Variants in ANLN observed in about 807,000 individuals in gnomAD.
ANLN encodes anillin.
In ANLN, 59 loss-of-function variants were observed where a neutral mutation model predicts 135.1. The ratio of observed to expected loss-of-function variants is 0.44; its 90% CI spans 0.35 to 0.54. ANLN has a LOEUF of 0.54. Among genes scored for constraint, ANLN ranks in the 20% least tolerant of loss-of-function variants. The pLI is 0.00. For missense variants in ANLN, 1,182 were observed against 1,340.0 expected, an observed-to-expected ratio of 0.88 and a Z score of 1.84; for synonymous variants, 406 against 456.4, an observed-to-expected ratio of 0.89 and a Z score of 1.41.
intron 20 of ANLN, among the ~76,000 whole-genome samples, chr7:36,429,606 TTTTTA>T (rs1458304592): frequency 2.6e-5 from 4 of 152,190 alleles, no homozygotes; most frequent in African/African-American, 7.2e-5. Context: ...TGGATGGTAT[TTTTTA>T]TTTTATTTTA....
At chr7:36,449,209 A>T (rs1332280265) in intron 22 of ANLN, 1 of 152,388 alleles carries the variant, frequency 6.6e-6, no homozygotes, top group Non-Finnish European at 1.5e-5. Context: ...GGCTGCCAAC[A>T]ATCCAGGGCA....
intron 20 of ANLN, among the ~76,000 whole-genome samples, chr7:36,435,038 A>G (rs1788470614): frequency 6.6e-6 from 1 of 152,172 alleles, no homozygotes; most frequent in Non-Finnish European, 1.5e-5. Flanking sequence ...ATTGTGGTCA[A>G]GGTTTCATGG....
At chr7:36,402,786 T>C (rs900244095) in intron 3 of ANLN, among the ~76,000 whole-genome samples, 1 of 152,184 alleles carries the variant, frequency 6.6e-6, no homozygotes, top group Non-Finnish European at 1.5e-5. Flanking sequence ...AAGCCAGTTG[T>C]CCTTCAGAGT....
intron 21 of ANLN, among the ~76,000 whole-genome samples, chr7:36,443,042 T>C (rs1365589844): frequency 6.6e-6 from 1 of 152,186 alleles, no homozygotes; most frequent in African/African-American, 2.4e-5. Context: ...AGCTTCTACT[T>C]ACCCTGTTTA....
Position 36,415,856 on chromosome 7 carries a change from A to G in ANLN, c.1494A>G (p.Pro498=), listed in dbSNP as rs746672047. ...VTEKVTENQI[P]AKNSSTEPKG... is the part of the protein sequence containing the mutation. ...AAAAGGTGACCGAAAACCAGATACC[A>G]GCCAAAAATTCTAGTACAGAACCTA... is the stretch of plus-strand genomic sequence containing the variant. The change falls in exon 8 of 24, where the codon CCA becomes CCG. Residue 498 remains proline (P), a synonymous_variant. Coordinates refer to ENST00000265748, the MANE Select transcript of ANLN (RefSeq NM_018685.5). The G allele has an allele frequency of 6.9e-6, 11 of 1,603,870 alleles. No homozygotes were observed. The African/African-American group carries it at 8.1e-5, about 12-fold the overall frequency.
intron 20 of ANLN, among the ~76,000 whole-genome samples, chr7:36,430,346 C>T (rs569229522): frequency 1.2e-4 from 18 of 152,234 alleles, no homozygotes; most frequent in East Asian, 1.9e-4. Context: ...GTTTGCTCTG[C>T]GGATTTAGGA....
At position 36,421,892 on chromosome 7, in the gene ANLN, GATCT is replaced by G; in HGVS notation, c.2203_2206del (p.Tyr735LysfsTer19). ...ACGAAATAAATATGCAACAGACAGT[GATCT>G]ATCAAGCTAGCCAGGCTCTTAACTG... On this transcript the variant is annotated frameshift_variant, in exon 13 of 24. Transcript: ENST00000265748. LOFTEE classifies it high-confidence loss of function. 6.2e-7 allele frequency: 1 copy of G among 1,613,220 alleles called. No homozygotes were observed. Among genetic ancestry groups the G allele is most frequent in the Non-Finnish European group, 8.5e-7 (1 of 1,179,560 alleles).
chr7:36,392,826 A>G (rs958536256), intron 1 of ANLN, among the ~76,000 whole-genome samples: 2 of 151,992 alleles, frequency 1.3e-5, no homozygotes, highest in African/African-American at 2.4e-5. Flanking sequence ...TGACAAAATC[A>G]CATTCTTTTG....
At chr7:36,450,765 G>A (rs559934895) in intron 23 of ANLN, among the ~76,000 whole-genome samples, 1 of 152,306 alleles carries the variant, frequency 6.6e-6, no homozygotes, top group African/African-American at 2.4e-5. Flanking sequence ...TTGTTTGATA[G>A]CGACGTGTCC....
Position 36,399,376 on chromosome 7 carries a change from A to G in ANLN, c.470A>G (p.Asp157Gly). 1 of 1,610,178 alleles carries G rather than the reference A, an allele frequency of 6.2e-7. No homozygotes were observed. Among genetic ancestry groups the G allele is most frequent in the Non-Finnish European group, 8.5e-7 (1 of 1,177,930 alleles). ...CTTGCAGAGCAACGGCGCCGTTGGG[A>G]TAATGATGATATGACAGGTATGAAT... ...QKLAEQRRRWDNDDMTDDIPE... is the reference protein window; with the variant it reads ...QKLAEQRRRWGNDDMTDDIPE... The change falls in exon 3 of 24, where the codon GAT (aspartate) becomes GGT (glycine). Residue 157 changes from aspartate (D) to glycine (G), a missense_variant. Coordinates refer to ENST00000265748, the MANE Select transcript of ANLN (RefSeq NM_018685.5).
At chr7:36,429,305 C>A (rs1451505897) in intron 20 of ANLN, among the ~76,000 whole-genome samples, 4 of 152,120 alleles carry the variant, frequency 2.6e-5, no homozygotes, top group Non-Finnish European at 4.4e-5. Context: ...ACTACAGCCT[C>A]CATCTCCCAG....
At chr7:36,396,484 A>G (rs1253459034) in intron 2 of ANLN, 65 bp downstream of exon 2, 3 of 1,474,420 alleles carry the variant, frequency 2.0e-6, no homozygotes, top group Non-Finnish European at 2.7e-6. Context: ...ACAAGCCCCA[A>G]ACATTTCATT....
chr7:36,399,384 G>A lies in ANLN; in HGVS notation c.478G>A (p.Asp160Asn). 6.2e-7 allele frequency: 1 copy of A among 1,607,222 alleles called. No individual in the cohort carries two copies. Among genetic ancestry groups the A allele is most frequent in the Non-Finnish European group, 8.5e-7 (1 of 1,176,400 alleles). The change falls in exon 3 of 24, where the codon GAT becomes AAT. Residue 160 changes from aspartate (D) to asparagine (N), a missense_variant. By Grantham distance (23) the Asp-to-Asn change is conservative. This residue lies in a region of ANLN where 1,022 missense variants were observed against 1,134.0 expected (regional missense o/e 0.90). Coordinates refer to ENST00000265748, the MANE Select transcript of ANLN (RefSeq NM_018685.5). Reference sequence around the variant, plus strand: ...GCAACGGCGCCGTTGGGATAATGATGATATGACAGGTATGAATTGTATAGA... The same window carrying A: ...GCAACGGCGCCGTTGGGATAATGATAATATGACAGGTATGAATTGTATAGA... ...AEQRRRWDND[D>N]MTDDIPESSL...
intron 6 of ANLN, 77 bp downstream of exon 6, chr7:36,410,781 C>A: frequency 7.1e-7 from 1 of 1,405,074 alleles, no homozygotes; most frequent in Non-Finnish European, 9.7e-7. Flanking sequence ...GGTTCTGATG[C>A]CAGTCTTTTT....
At chr7:36,393,223 C>T (rs1055013569) in intron 1 of ANLN, among the ~76,000 whole-genome samples, 4 of 151,978 alleles carry the variant, frequency 2.6e-5, no homozygotes, top group African/African-American at 4.8e-5. Flanking sequence ...GGGGTTTCAC[C>T]GTGTTTGCCA....
chr7:36,396,157 T>C, intron 1 of ANLN, 109 bp from the exon 2 acceptor site: 1 of 873,398 alleles, frequency 1.1e-6, no homozygotes, highest in Non-Finnish European at 1.6e-6. Context: ...ACTTTTGAAA[T>C]GTGTTTAACT....
At chr7:36,450,425 G>A (rs1789195378) in intron 23 of ANLN, among the ~76,000 whole-genome samples, 1 of 152,190 alleles carries the variant, frequency 6.6e-6, no homozygotes, top group East Asian at 1.9e-4. Flanking sequence ...TGTCATTAGG[G>A]ACAAAAGTTA....
intron 22 of ANLN, among the ~76,000 whole-genome samples, chr7:36,447,417 C>CTTTTTTTTTTT (rs978030270): frequency 9.4e-6 from 1 of 105,870 alleles, no homozygotes; most frequent in African/African-American, 3.5e-5. Flanking sequence ...AGCAGTTGAT[C>CTTTTTTTTTTT]TTTTTTTTTT....
intron 3 of ANLN, among the ~76,000 whole-genome samples, chr7:36,405,369 CAA>C (rs546140577): frequency 4.2e-4 from 64 of 152,248 alleles, no homozygotes; most frequent in African/African-American, 1.5e-3. Context: ...TATGTGCAGA[CAA>C]GAGTTTGTAG....
Sources: gnomAD v4.1 joint callset for allele counts (sites outside exome capture counted in the v4.1 genomes callset) on GRCh38, gnomAD v4.1.1 for gene constraint, gnomAD v4.1.1 regional missense constraint, MANE v1.5 for transcripts, NCBI Gene and HGNC (gene_info 2026-07-23, HGNC 2026-07-21) for gene names.